Variants in RBFOX1 observed in about 807,000 individuals in gnomAD.
RBFOX1 encodes the protein RNA binding protein fox-1 homolog 1.
In RBFOX1, 8 loss-of-function variants were observed where a neutral mutation model predicts 57.7. The observed-to-expected ratio is 0.14, with a 90% CI of 0.08 to 0.25. RBFOX1 has a LOEUF of 0.25. Ranked by LOEUF, RBFOX1 falls within the 10% of genes least tolerant of loss-of-function variation. The pLI is 1.00. For synonymous variants in RBFOX1, 326 were observed against 222.4 expected (o/e 1.47, Z -4.15); for missense variants, 611 against 548.5 (o/e 1.11, Z -1.14).
chr16:6,076,111 C>T (rs1004290449), intron 1 of RBFOX1, among the ~76,000 whole-genome samples: 5 of 152,050 alleles, frequency 3.3e-5, no homozygotes, highest in African/African-American at 7.2e-5. Context: ...CCAGCCTGAC[C>T]AACATGGAGA....
At chr16:7,330,355 A>G (rs1403071974) in intron 4 of RBFOX1, among the ~76,000 whole-genome samples, 3 of 151,302 alleles carry the variant, frequency 2.0e-5, no homozygotes, top group Middle Eastern at 6.5e-3. Context: ...GACAAGAACA[A>G]ACAGTCTGTA....
At chr16:5,659,954 C>G (rs371669999) in intron 3 of RBFOX1, among the ~76,000 whole-genome samples, 22 of 152,270 alleles carry the variant, frequency 1.4e-4, no homozygotes, top group African/African-American at 4.8e-4. Flanking sequence ...ACAGAAGCAT[C>G]AATTGATAAA....
At chr16:7,399,847 T>C (rs1234214407) in intron 4 of RBFOX1, among the ~76,000 whole-genome samples, 1 of 152,236 alleles carries the variant, frequency 6.6e-6, no homozygotes, top group African/African-American at 2.4e-5. Context: ...AAATTCAATC[T>C]ACTGCCATTT....
At chr16:6,713,775 A>T (rs9928517) in intron 3 of RBFOX1, among the ~76,000 whole-genome samples, 1 of 151,956 alleles carries the variant, frequency 6.6e-6, no homozygotes, top group Non-Finnish European at 1.5e-5. Context: ...CTCACCCTTC[A>T]TGTTTCAGTT....
chr16:7,250,078 A>T (rs1882590), intron 4 of RBFOX1, among the ~76,000 whole-genome samples: 52,216 of 151,830 alleles, frequency 0.34, 11,756 homozygotes, highest in African/African-American at 0.65. Context: ...TTTTTTTCCC[A>T]TAGGGTTTTG....
At chr16:6,881,969 T>C (rs1164942014) in intron 3 of RBFOX1, among the ~76,000 whole-genome samples, 2 of 152,186 alleles carry the variant, frequency 1.3e-5, no homozygotes, top group African/African-American at 2.4e-5. Context: ...AACTTGGTTA[T>C]GGGTTAGACA....
At chr16:6,786,295 C>G (rs959953388) in intron 3 of RBFOX1, among the ~76,000 whole-genome samples, 2 of 152,212 alleles carry the variant, frequency 1.3e-5, no homozygotes, top group African/African-American at 4.8e-5. Flanking sequence ...GATCTCTTAA[C>G]CACTTGTTAT....
intron 4 of RBFOX1, among the ~76,000 whole-genome samples, chr16:7,485,066 T>C (rs1357395155): frequency 6.6e-6 from 1 of 152,006 alleles, no homozygotes; most frequent in Non-Finnish European, 1.5e-5. Flanking sequence ...AATCCACTTT[T>C]TTTTTTTTTT....
intron 1 of RBFOX1, among the ~76,000 whole-genome samples, chr16:6,248,968 GGT>G (rs1312482044): frequency 1.3e-5 from 2 of 152,162 alleles, no homozygotes; most frequent in Non-Finnish European, 2.9e-5. Flanking sequence ...AAGGAACAGT[GGT>G]GGATGAGACA....
intron 1 of RBFOX1, among the ~76,000 whole-genome samples, chr16:5,411,147 G>T (rs1443330645): frequency 6.6e-6 from 1 of 152,222 alleles, no homozygotes; most frequent in African/African-American, 2.4e-5. Context: ...AGGGCAGACT[G>T]TGGTGGGAAG....
rs541338879 is a variant in RBFOX1, at chr16:5,538,189, A to G, written c.259-60713A>G. On this transcript the variant is annotated intron_variant, in intron 2 of 2. Transcript: ENST00000585867. ...GAGGGTGTGGAGATGTAGAGCCAAG[A>G]GGCCAAGACCCTGAAGTTGTCAGAT... Among the ~76,000 whole-genome samples the G allele has an allele frequency of 2.0e-5, 3 of 152,336 alleles. No individual in the cohort carries two copies. The South Asian group carries it at 6.2e-4, about 32-fold the overall frequency.
Position 6,553,657 on chromosome 16 carries a change from T to C in RBFOX1, c.-63-100946T>C, listed in dbSNP as rs73537208. 4.9e-3 allele frequency among the ~76,000 whole-genome samples: 751 copies of C among 152,104 alleles called. 6 individuals are homozygous for C. The highest frequency in any genetic ancestry group is 0.017 in the African/African-American group (711 of 41,484). On this transcript the variant is annotated intron_variant, in intron 2 of 15. Coordinates refer to ENST00000550418, the MANE Select transcript of RBFOX1 (RefSeq NM_018723.4). ...GACGATCTCTCTCAGGACAGGATGA[T>C]AGAAAAGGAAGAAAAGAAGATTTGT...
At chr16:7,004,621 T>G (rs999553701) in intron 3 of RBFOX1, among the ~76,000 whole-genome samples, 3 of 152,232 alleles carry the variant, frequency 2.0e-5, no homozygotes, top group African/African-American at 7.2e-5. Flanking sequence ...AGAACAGTTT[T>G]CTTGAAAGCC....
In RBFOX1 at chr16:6,066,576, A is replaced by C. The variant is rs146130026; in HGVS notation, c.-127+46584A>C. On this transcript the variant is annotated intron_variant, in intron 1 of 15. Coordinates refer to ENST00000550418, the MANE Select transcript of RBFOX1 (RefSeq NM_018723.4). ...GATGCCATTTAAATACATTATCTGGAAAAATGTACATAGAACTTACGATTT... is the reference window on the plus strand; with the variant it reads ...GATGCCATTTAAATACATTATCTGGCAAAATGTACATAGAACTTACGATTT... Among the ~76,000 whole-genome samples the C allele has an allele frequency of 2.8e-3, 428 of 152,232 alleles. 5 individuals carry two copies. The highest frequency in any genetic ancestry group is 9.3e-3 in the East Asian group (48 of 5,152).
chr16:7,029,071 T>C (rs28756065), intron 3 of RBFOX1, among the ~76,000 whole-genome samples: 541 of 25,398 alleles, frequency 0.021, 41 homozygotes, highest in East Asian at 0.068. Context: ...TATATATATA[T>C]ATATATATAT....
intron 1 of RBFOX1, among the ~76,000 whole-genome samples, chr16:5,332,531 T>A (rs1295909943): frequency 6.6e-6 from 1 of 152,142 alleles, no homozygotes; most frequent in Non-Finnish European, 1.5e-5. Context: ...CCCAAAGTGC[T>A]GGGATTACAG....
intron 3 of RBFOX1, among the ~76,000 whole-genome samples, chr16:5,750,313 C>T (rs560218058): frequency 1.3e-5 from 2 of 152,344 alleles, no homozygotes; most frequent in South Asian, 2.1e-4. Flanking sequence ...ACTCGGGGGT[C>T]AGGAACGTAC....
At chr16:6,119,014 G>GTTT (rs35604110) in intron 1 of RBFOX1, among the ~76,000 whole-genome samples, 118 of 142,194 alleles carry the variant, frequency 8.3e-4, no homozygotes, top group Middle Eastern at 7.5e-3. Flanking sequence ...AATTCCTCAG[G>GTTT]TTTTTTTTTT....
At chr16:5,843,714 G>A (rs187601294) in intron 3 of RBFOX1, among the ~76,000 whole-genome samples, 15 of 152,342 alleles carry the variant, frequency 9.8e-5, no homozygotes, top group African/African-American at 3.4e-4. Flanking sequence ...GAGGTCCGGA[G>A]AGGTAAAATA....
Sources: gnomAD v4.1 joint callset for allele counts (sites outside exome capture counted in the v4.1 genomes callset) on GRCh38, gnomAD v4.1.1 for gene constraint, MANE v1.5 for transcripts, NCBI Gene and HGNC (gene_info 2026-07-23, HGNC 2026-07-21) for gene names.